The following RGP1 variants were observed in gnomAD, a reference collection of about 807,000 sequenced individuals.
RGP1 encodes the protein RAB6A-GEF complex partner protein 2.
A neutral mutation model predicts 44.5 loss-of-function variants in RGP1; 28 were observed. That is an observed-to-expected ratio of 0.63 (90% CI 0.47 to 0.86). The LOEUF (loss-of-function observed/expected upper bound fraction) is 0.86, where lower values mean the gene tolerates loss of function less well. Among genes scored for constraint, RGP1 ranks in the 40% least tolerant of loss-of-function variants. RGP1 has a pLI of 0.00. For missense variants in RGP1, 417 were observed against 490.7 expected (o/e 0.85, Z 1.42); for synonymous variants, 212 against 196.7 (o/e 1.08, Z -0.65).
rs771269916 is a variant in RGP1, at chr9:35,753,196, A to G, written c.*322A>G. On this transcript the variant is annotated 3_prime_UTR_variant, in exon 9 of 9. Coordinates refer to ENST00000378078, the MANE Select transcript of RGP1 (RefSeq NM_001080496.3). The surrounding 1 kb of genome is among the most constrained non-coding windows in gnomAD (Gnocchi z 4.2). ...CCCCTTTGCAGGGCAGCCGAGGGTC[A>G]GATTTTTGCACCAAGGAGAACTGGC... 6.2e-7 allele frequency: 1 copy of G among 1,614,170 alleles called. No individual in the cohort carries two copies. The highest frequency in any genetic ancestry group is 1.1e-5 in the South Asian group (1 of 91,084).
the RGP1 span, among the ~76,000 whole-genome samples, chr9:35,764,105 G>A: frequency 6.6e-6 from 1 of 151,894 alleles, no homozygotes; most frequent in Non-Finnish European, 1.5e-5. Context: ...GAGACAGAGT[G>A]AGACCCTGTC....
At chr9:35,778,017 G>T in the RGP1 span, among the ~76,000 whole-genome samples, 1 of 152,140 alleles carries the variant, frequency 6.6e-6, no homozygotes, top group Non-Finnish European at 1.5e-5. Flanking sequence ...TATACAAAAT[G>T]GGCCAGGCGC....
At chr9:35,750,156 T>C (rs1176755878) in intron 2 of RGP1, 87 bp from the exon 3 acceptor site, 11 of 1,504,380 alleles carry the variant, frequency 7.3e-6, no homozygotes, top group Non-Finnish European at 8.9e-6. Context: ...TCTAACCTTG[T>C]TGGTTAAGAT....
chr9:35,751,934 C>T lies in RGP1; in HGVS notation c.763-22C>T, dbSNP rs547399824. ...CTACAGACAGCACTTCCTGTTAGCA[C>T]ACACCTGTCTCTTGCTCCCAGTTTT... On this transcript the variant is annotated intron_variant, in intron 7 of 8. Coordinates refer to ENST00000378078, the MANE Select transcript of RGP1 (RefSeq NM_001080496.3). The T allele has an allele frequency of 1.9e-5, 30 of 1,562,322 alleles. 1 individual carries two copies. In the South Asian group the frequency reaches 3.4e-4, roughly 18 times the overall value.
At chr9:35,789,523 C>T in the RGP1 span, among the ~76,000 whole-genome samples, 1 of 151,724 alleles carries the variant, frequency 6.6e-6, no homozygotes. Flanking sequence ...CCGTGCCTGG[C>T]CCCTTCCTAC....
At position 35,752,740 on chromosome 9, in the gene RGP1, A is replaced by T. The variant is rs1300465752; in HGVS notation, c.1042A>T (p.Thr348Ser). 2 of 1,613,526 alleles carry T rather than the reference A, an allele frequency of 1.2e-6. No individual in the cohort carries two copies. The change falls in exon 9 of 9, where the codon ACC becomes TCC. Residue 348 changes from threonine to serine, a missense_variant. Thr to Ser is a moderately conservative substitution (Grantham distance 58). Coordinates refer to ENST00000378078, the MANE Select transcript of RGP1 (RefSeq NM_001080496.3). ...ACCCCCTGTGGAACAGCCCGAACCT[A>T]CCACCTGGACAGGACCTGAGCAAGT... ...LLPPVEQPEP[T>S]TWTGPEQVPV...
intron 8 of RGP1, 58 bp downstream of exon 8, chr9:35,752,203 G>T (rs957689101): frequency 6.9e-7 from 1 of 1,458,004 alleles, no homozygotes; most frequent in Non-Finnish European, 9.2e-7. Flanking sequence ...GCTGTGCTAA[G>T]GGAGGGTGTA....
chr9:35,784,884 C>T, the RGP1 span, among the ~76,000 whole-genome samples: 1 of 152,284 alleles, frequency 6.6e-6, no homozygotes, highest in South Asian at 2.1e-4. Context: ...GCTGAAACTA[C>T]AGGCACACAC....
chr9:35,749,641 T>C lies in RGP1; in HGVS notation c.-19-96T>C. The C allele has an allele frequency of 1.3e-6, 1 of 764,052 alleles. No individual in the cohort carries two copies. Among genetic ancestry groups the C allele is most frequent in the Non-Finnish European group, 2.3e-6 (1 of 434,208 alleles). The allele number at this position is 764,052 out of a possible 1,614,324, so 47.3% of individuals were successfully genotyped here. A position where few individuals can be genotyped will look rare whatever the true frequency, so the allele number is the denominator to read the frequency against. On this transcript the variant is annotated intron_variant, in intron 1 of 8. Coordinates refer to ENST00000378078, the MANE Select transcript of RGP1 (RefSeq NM_001080496.3). The surrounding 1 kb of genome is among the most constrained non-coding windows in gnomAD (Gnocchi z 4.4). ...GGAGCTCCCTCGGGCACCACGGTGCTGACCACCCCTGTCCTCAGCCCTCAG... is the reference window on the plus strand; with the variant it reads ...GGAGCTCCCTCGGGCACCACGGTGCCGACCACCCCTGTCCTCAGCCCTCAG...
In RGP1 at chr9:35,754,139, A is replaced by G; in HGVS notation, c.*1265A>G. 1 of 1,610,472 alleles carries G rather than the reference A, an allele frequency of 6.2e-7. No individual in the cohort carries two copies. On this transcript the variant is annotated 3_prime_UTR_variant, in exon 9 of 9. Coordinates refer to ENST00000378078, the MANE Select transcript of RGP1 (RefSeq NM_001080496.3). Reference sequence around the variant, plus strand: ...GCATCCTTAGGGCCATTGCTGCTGCACAGCCCTCTCAGACCCTTCTTGGCC... The same window carrying G: ...GCATCCTTAGGGCCATTGCTGCTGCGCAGCCCTCTCAGACCCTTCTTGGCC...
chr9:35,767,564 G>A, the RGP1 span, among the ~76,000 whole-genome samples: 1 of 152,164 alleles, frequency 6.6e-6, no homozygotes, highest in Non-Finnish European at 1.5e-5. Flanking sequence ...TGAGCTCTAT[G>A]ATCTAGTCTT....
Position 35,753,826 on chromosome 9 carries a change from C to T in RGP1, c.*952C>T, listed in dbSNP as rs1310863493. On this transcript the variant is annotated 3_prime_UTR_variant, in exon 9 of 9. Coordinates refer to ENST00000378078, the MANE Select transcript of RGP1 (RefSeq NM_001080496.3). The surrounding 1 kb of genome is among the most constrained non-coding windows in gnomAD (Gnocchi z 4.2). Reference sequence around the variant, plus strand: ...GGAGTGCTGATGAGAGGCAGAGGCTCTTCTGGTCTGGGGTGGAGACAGTAA... The same window carrying T: ...GGAGTGCTGATGAGAGGCAGAGGCTTTTCTGGTCTGGGGTGGAGACAGTAA... 7.7e-6 allele frequency: 12 copies of T among 1,554,572 alleles called. No individual in the cohort carries two copies. The highest frequency in any genetic ancestry group is 1.7e-5 in the Admixed American group (1 of 59,440).
the RGP1 span, among the ~76,000 whole-genome samples, chr9:35,765,883 G>A: frequency 3.4e-5 from 5 of 148,770 alleles, no homozygotes; most frequent in African/African-American, 7.4e-5. Context: ...TGCCCAGGCT[G>A]GAGTGCAGTG....
At chr9:35,787,061 C>T in the RGP1 span, among the ~76,000 whole-genome samples, 2 of 150,356 alleles carry the variant, frequency 1.3e-5, no homozygotes, top group East Asian at 2.0e-4. Flanking sequence ...GAATGAGCCA[C>T]TGCACTGTAG....
chr9:35,775,390 C>T, the RGP1 span, among the ~76,000 whole-genome samples: 110 of 152,238 alleles, frequency 7.2e-4, no homozygotes, highest in African/African-American at 2.4e-3. Flanking sequence ...GGCAGGGTAA[C>T]TTAGAAGCCG....
chr9:35,769,756 A>G, the RGP1 span, among the ~76,000 whole-genome samples: 1 of 152,184 alleles, frequency 6.6e-6, no homozygotes, highest in African/African-American at 2.4e-5. Flanking sequence ...ACGTGAGATG[A>G]GGCTGAAGAG....
At chr9:35,760,348 G>A (rs1381313003), downstream of RGP1, among the ~76,000 whole-genome samples, 1 of 152,046 alleles carries the variant, frequency 6.6e-6, no homozygotes. Context: ...ATCCTTTGTT[G>A]TGGGGGGCTG....
Position 35,750,650 on chromosome 9 carries a change from T to C in RGP1, c.254-8T>C. Reference sequence around the variant, plus strand: ...GGTCATTAAATTAGTCATTTTTACCTTTTTCAGGTGAGAGGGGCCAGTGTA... The same window carrying C: ...GGTCATTAAATTAGTCATTTTTACCCTTTTCAGGTGAGAGGGGCCAGTGTA... On this transcript the variant is annotated splice_polypyrimidine_tract_variant and splice_region_variant and intron_variant, in intron 3 of 8. Transcript: ENST00000378078. The C allele has an allele frequency of 6.2e-7, 1 of 1,613,170 alleles. No individual in the cohort carries two copies. Among genetic ancestry groups the C allele is most frequent in the Non-Finnish European group, 8.5e-7 (1 of 1,179,136 alleles).
downstream of RGP1, among the ~76,000 whole-genome samples, chr9:35,762,941 TGTCTTGCCAGAG>T (rs71901183): frequency 0.14 from 21,341 of 152,064 alleles, 1,931 homozygotes; most frequent in East Asian, 0.31. Context: ...ACGGAAGAAG[TGTCTTGCCAGAG>T]GTCACACAGC....
Sources: gnomAD v4.1 joint callset for allele counts (sites outside exome capture counted in the v4.1 genomes callset) on GRCh38, gnomAD v4.1.1 for gene constraint, Gnocchi (gnomAD v3.1) non-coding constraint, MANE v1.5 for transcripts, NCBI Gene and HGNC (gene_info 2026-07-23, HGNC 2026-07-21) for gene names.